The following TENM3 variants were observed in gnomAD, a reference collection of about 807,000 sequenced individuals.
TENM3 encodes teneurin-3.
TENM3 carries 63 observed loss-of-function variants against 255.1 expected under a neutral mutation model. That is an observed-to-expected ratio of 0.25 (90% CI 0.20 to 0.30). The LOEUF (loss-of-function observed/expected upper bound fraction) is 0.30, where lower values mean the gene tolerates loss of function less well. Ranked by LOEUF, TENM3 falls within the 10% of genes least tolerant of loss-of-function variation. The probability of loss-of-function intolerance (pLI) is 1.00; values close to 1 mark genes in which losing one functional copy is unlikely to be tolerated. For missense variants in TENM3, 2,929 were observed against 3,461.1 expected (o/e 0.85, Z 3.86); for synonymous variants, 1,306 against 1,322.3 (o/e 0.99, Z 0.27).
intron 3 of TENM3, among the ~76,000 whole-genome samples, chr4:182,579,925 A>G (rs1001523271): frequency 6.6e-6 from 1 of 152,164 alleles, no homozygotes; most frequent in Non-Finnish European, 1.5e-5. Context: ...CACACTGGAA[A>G]CTAATTTATC....
At chr4:181,747,211 A>G in the TENM3 span, among the ~76,000 whole-genome samples, 4 of 152,158 alleles carry the variant, frequency 2.6e-5, no homozygotes, top group Non-Finnish European at 4.4e-5. Flanking sequence ...TTACCAAGTT[A>G]ATAGAAGGAG....
chr4:181,630,877 TA>T, the TENM3 span, among the ~76,000 whole-genome samples: 1 of 152,122 alleles, frequency 6.6e-6, no homozygotes, highest in Non-Finnish European at 1.5e-5. Flanking sequence ...ACACATTTTT[TA>T]TTGATGGGGT....
rs1189747764 is a variant in TENM3, at chr4:182,799,748, C to T, written c.7497C>T (p.Gly2499=). The change falls in exon 28 of 28, where the codon GGC becomes GGT. Residue 2499 remains glycine (G), a synonymous_variant. Transcript: ENST00000511685. The surrounding 1 kb of genome is among the most constrained non-coding windows in gnomAD (Gnocchi z 4.2). ...FATVKSLIGK[G]VMLAVSQGRV... is the part of the protein sequence containing the mutation. ...CGGTCAAGTCGCTGATCGGCAAGGGCGTCATGCTGGCCGTCAGCCAGGGCC... is the reference window on the plus strand; with the variant it reads ...CGGTCAAGTCGCTGATCGGCAAGGGTGTCATGCTGGCCGTCAGCCAGGGCC... The T allele has an allele frequency of 2.6e-6, 4 of 1,566,428 alleles. No homozygotes were observed. The highest frequency in any genetic ancestry group is 1.4e-5 in the African/African-American group (1 of 73,722).
chr4:182,623,398 G>A lies in TENM3; in HGVS notation c.750-5253G>A, dbSNP rs1454271971. Among the ~76,000 whole-genome samples the A allele has an allele frequency of 3.3e-5, 5 of 152,024 alleles. 1 individual carries two copies. The highest frequency in any genetic ancestry group is 4.2e-4 in the South Asian group (2 of 4,812). On this transcript the variant is annotated intron_variant, in intron 4 of 27. Coordinates refer to ENST00000511685, the MANE Select transcript of TENM3 (RefSeq NM_001080477.4). ...GCTCACTGCAACCTCCATCTCCTGG[G>A]TTCAAGCAATTCTCCTGCCCCAGCC...
chr4:181,821,157 C>A, the TENM3 span, among the ~76,000 whole-genome samples: 1 of 152,180 alleles, frequency 6.6e-6, no homozygotes, highest in African/African-American at 2.4e-5. Context: ...GCTGGACTAA[C>A]TGACTTCCCT....
the TENM3 span, among the ~76,000 whole-genome samples, chr4:181,627,555 A>G: frequency 4.2e-3 from 644 of 152,104 alleles, 1 homozygote; most frequent in African/African-American, 0.015. Flanking sequence ...CTCATTATTC[A>G]ATTCCCACCT....
chr4:182,636,055 AC>A (rs1172030888), intron 5 of TENM3, among the ~76,000 whole-genome samples: 4 of 152,234 alleles, frequency 2.6e-5, no homozygotes, highest in Non-Finnish European at 4.4e-5. Flanking sequence ...GTTCTAGAAC[AC>A]AGCCAAGCAA....
At chr4:182,057,946 T>A in the TENM3 span, among the ~76,000 whole-genome samples, 1 of 152,062 alleles carries the variant, frequency 6.6e-6, no homozygotes, top group East Asian at 1.9e-4. Flanking sequence ...ATAGCATTTT[T>A]AAAAATCAGT....
chr4:181,652,577 G>T, the TENM3 span, among the ~76,000 whole-genome samples: 9 of 152,176 alleles, frequency 5.9e-5, no homozygotes, highest in Admixed American at 5.9e-4. Flanking sequence ...ACGTTGGACT[G>T]CACCTTTCCA....
At chr4:181,882,307 C>T in the TENM3 span, among the ~76,000 whole-genome samples, 1 of 152,138 alleles carries the variant, frequency 6.6e-6, no homozygotes, top group Non-Finnish European at 1.5e-5. Flanking sequence ...TCATTCATGA[C>T]GTTTGTTCCT....
At chr4:182,507,183 A>G (rs989333584) in intron 3 of TENM3, among the ~76,000 whole-genome samples, 2 of 152,206 alleles carry the variant, frequency 1.3e-5, no homozygotes, top group African/African-American at 4.8e-5. Context: ...ATGAAGTAAA[A>G]GAAGCCCGAG....
rs72699957 is a variant in TENM3, at chr4:182,389,491, A to C, written c.511+42562A>C. ...CCTGCCAGAAAAAAAAATTACATAT[A>C]ATTACTTTAAAAATTAGCCATTTTA... On this transcript the variant is annotated intron_variant, in intron 3 of 27. Transcript: ENST00000511685. 2.2e-3 allele frequency among the ~76,000 whole-genome samples: 339 copies of C among 152,242 alleles called. 2 individuals carry two copies. Among genetic ancestry groups the C allele is most frequent in the Non-Finnish European group, 3.8e-3 (261 of 68,020 alleles).
intron 3 of TENM3, among the ~76,000 whole-genome samples, chr4:182,364,724 T>A (rs1766304020): frequency 6.6e-6 from 1 of 152,210 alleles, no homozygotes; most frequent in Non-Finnish European, 1.5e-5. Flanking sequence ...CAGCCCCAAC[T>A]TCAGTTTTCA....
At chr4:182,598,241 T>G (rs550555812) in intron 3 of TENM3, among the ~76,000 whole-genome samples, 1 of 152,336 alleles carries the variant, frequency 6.6e-6, no homozygotes, top group Non-Finnish European at 1.5e-5. Context: ...TCATTCAGAC[T>G]TTGCATGTAT....
At chr4:182,286,544 C>T (rs1004555539) in intron 1 of TENM3, among the ~76,000 whole-genome samples, 1 of 152,168 alleles carries the variant, frequency 6.6e-6, no homozygotes, top group Admixed American at 6.5e-5. Flanking sequence ...CCCTCCCCAG[C>T]CCTTTCTGTA....
the TENM3 span, among the ~76,000 whole-genome samples, chr4:182,056,835 A>G: frequency 1.3e-5 from 2 of 151,950 alleles, no homozygotes; most frequent in African/African-American, 4.8e-5. Context: ...TGGGTGGGGG[A>G]TAACAGGAGC....
intron 1 of TENM3, among the ~76,000 whole-genome samples, chr4:182,296,007 A>G (rs1280338406): frequency 6.6e-6 from 1 of 152,110 alleles, no homozygotes; most frequent in African/African-American, 2.4e-5. Flanking sequence ...GCTGGAGTGC[A>G]ATGGTGTGAT....
In TENM3 at chr4:182,604,519, C is replaced by G. The variant is rs60727607; in HGVS notation, c.749+3358C>G. 9.1e-3 allele frequency among the ~76,000 whole-genome samples: 1,382 copies of G among 152,246 alleles called. 16 individuals are homozygous for G. The highest frequency in any genetic ancestry group is 0.031 in the African/African-American group (1,305 of 41,534). On this transcript the variant is annotated intron_variant, in intron 4 of 27. Transcript: ENST00000511685. Reference sequence around the variant, plus strand: ...CTTCAGTATGTAATAATAGCTGCTACAAGAATACAGAGCAGCTGAGCAAAC... The same window carrying G: ...CTTCAGTATGTAATAATAGCTGCTAGAAGAATACAGAGCAGCTGAGCAAAC...
chr4:181,845,193 A>G, the TENM3 span, among the ~76,000 whole-genome samples: 3,666 of 152,232 alleles, frequency 0.024, 68 homozygotes, highest in Non-Finnish European at 0.038. Context: ...AAAACTTGAG[A>G]CTATGTTTTA....
Sources: allele counts gnomAD v4.1 joint callset (sites outside exome capture counted in the v4.1 genomes callset), GRCh38; gene constraint gnomAD v4.1.1; non-coding constraint Gnocchi (gnomAD v3.1); transcripts MANE v1.5; gene names NCBI Gene and HGNC (gene_info 2026-07-23, HGNC 2026-07-21).